Variants in NR2F2 observed in about 807,000 individuals in gnomAD.
NR2F2 encodes nuclear receptor subfamily 2 group F member 2, also known as COUP transcription factor 2.
A neutral mutation model predicts 34.8 loss-of-function variants in NR2F2; 2 were observed. That is an observed-to-expected ratio of 0.06 (90% CI 0.02 to 0.18). NR2F2 has a LOEUF of 0.18. Among genes scored for constraint, NR2F2 ranks in the 10% least tolerant of loss-of-function variants. The pLI is 1.00. For synonymous variants in NR2F2, 274 were observed against 251.8 expected (o/e 1.09, Z -0.84); for missense variants, 300 against 580.1 (o/e 0.52, Z 4.96).
chr15:96,336,573 A>G (rs1233607639), intron 2 of NR2F2, among the ~76,000 whole-genome samples: 1 of 152,008 alleles, frequency 6.6e-6, no homozygotes, highest in Non-Finnish European at 1.5e-5. Flanking sequence ...TTTCAAAGGC[A>G]CTTACTGTAT....
rs1899248605 is a variant in NR2F2, at chr15:96,334,140, G to A, written c.507G>A (p.Gly169=). The change falls in exon 2 of 3, where the codon GGG becomes GGA. Residue 169 remains glycine (G), a synonymous_variant. Coordinates refer to ENST00000394166, the MANE Select transcript of NR2F2 (RefSeq NM_021005.4). ...ACGGGCAGTTCGCGCTGACCAACGG[G>A]GATCCCCTCAACTGCCACTCGTACC... ...PTHGQFALTN[G]DPLNCHSYLS... The A allele has an allele frequency of 6.2e-7, 1 of 1,613,868 alleles. No homozygotes were observed. The highest frequency in any genetic ancestry group is 1.3e-5 in the African/African-American group (1 of 75,068).
upstream of NR2F2, among the ~76,000 whole-genome samples, chr15:96,328,610 GTAATGA>G (rs1899050452): frequency 1.3e-5 from 2 of 152,188 alleles, no homozygotes; most frequent in Non-Finnish European, 2.9e-5. Flanking sequence ...CTTCTCCTGT[GTAATGA>G]TTTCTTTTCC....
intron 1 of NR2F2, chr15:96,333,648 C>A: frequency 1.9e-6 from 2 of 1,071,450 alleles, no homozygotes; most frequent in Admixed American, 4.8e-5. Context: ...CTGGGGTGGA[C>A]CCTCGTGCCT....
Position 96,330,865 on chromosome 15 carries a change from G to A in NR2F2, c.-1241G>A. 1 of 1,158,388 alleles carries A rather than the reference G, an allele frequency of 8.6e-7. No individual in the cohort carries two copies. The highest frequency in any genetic ancestry group is 1.1e-6 in the Non-Finnish European group (1 of 940,340). The allele number at this position is 1,158,388 out of a possible 1,614,324, so 71.8% of individuals were successfully genotyped here. ...CTTCTCCTCCTCCTCTCCCCGAGTT[G>A]CCTCCTTTCTCCGGGTGCCGTACTG... On this transcript the variant is annotated 5_prime_UTR_variant, in exon 1 of 3. Coordinates refer to ENST00000394166, the MANE Select transcript of NR2F2 (RefSeq NM_021005.4).
intron 2 of NR2F2, 102 bp from the exon 3 acceptor site, chr15:96,337,246 G>A (rs1395465166): frequency 2.2e-6 from 3 of 1,378,234 alleles, no homozygotes; most frequent in Non-Finnish European, 3.0e-6. Flanking sequence ...CACACCTCAT[G>A]TGACCCAATT....
At chr15:96,328,331 G>A (rs942483033), upstream of NR2F2, among the ~76,000 whole-genome samples, 1 of 152,162 alleles carries the variant, frequency 6.6e-6, no homozygotes, top group African/African-American at 2.4e-5. Flanking sequence ...AGTGGACTGG[G>A]GAAGCTCTTC....
At chr15:96,336,505 T>C (rs80336039) in intron 2 of NR2F2, among the ~76,000 whole-genome samples, 1,562 of 152,266 alleles carry the variant, frequency 0.01, 17 homozygotes, top group African/African-American at 0.036. Context: ...CAGTCTTGTA[T>C]GGGGAGCCCT....
chr15:96,330,788 T>G lies in NR2F2; in HGVS notation c.-1318T>G. ...AGCATATTTGATCACTTTGATTCTC[T>G]GTTCTTTTCTCTCCGCGGTGTGTGT... On this transcript the variant is annotated 5_prime_UTR_variant, in exon 1 of 3. Coordinates refer to ENST00000394166, the MANE Select transcript of NR2F2 (RefSeq NM_021005.4). 7.3e-6 allele frequency: 7 copies of G among 963,790 alleles called. No individual in the cohort carries two copies. Among genetic ancestry groups the G allele is most frequent in the South Asian group, 5.2e-5 (1 of 19,382 alleles). The allele number at this position is 963,790 out of a possible 1,614,324, so 59.7% of individuals were successfully genotyped here.
intron 1 of NR2F2, chr15:96,333,427 C>T: frequency 2.0e-6 from 2 of 1,002,700 alleles, no homozygotes; most frequent in Non-Finnish European, 2.4e-6. Flanking sequence ...CTAGTGCCGG[C>T]CGCCTGCTCC....
rs1205294999 is a variant in NR2F2 at position 96,339,114 on chromosome 15, T to TA, written c.*1493dup. 3 of 151,920 alleles carry TA rather than the reference T, an allele frequency of 2.0e-5. No individual in the cohort carries two copies. The highest frequency in any genetic ancestry group is 7.3e-5 in the African/African-American group (3 of 41,366). The allele number at this position is 151,920 out of a possible 1,614,324, so 9.4% of individuals were successfully genotyped here. On this transcript the variant is annotated 3_prime_UTR_variant, in exon 3 of 3. Coordinates refer to ENST00000394166, the MANE Select transcript of NR2F2 (RefSeq NM_021005.4). ...TTTCCAGGAAAAAAAAAAAGGCCCT[T>TA]ATATTTGTCACACTTAAGTGCCTGC...
rs906327049 is a variant in NR2F2, at chr15:96,331,534, T to TCTC, written c.-562_-560dup. 1.5e-5 allele frequency: 19 copies of TCTC among 1,228,356 alleles called. No homozygotes were observed. The South Asian group carries it at 6.2e-4, about 40-fold the overall frequency. 76.1% of individuals were successfully genotyped at this position (1,228,356 alleles called of 1,614,324 possible). A position where few individuals can be genotyped will look rare whatever the true frequency, so the allele number is the denominator to read the frequency against. On this transcript the variant is annotated 5_prime_UTR_variant, in exon 1 of 3. Transcript: ENST00000394166. The stretch of plus-strand genomic sequence containing the variant: ...TGGACTTGGCCCCCGGACAGTCGCC[T>TCTC]CTCCTCCTCCTCTACCTCCTCCTTC...
Position 96,334,425 on chromosome 15 carries a change from C to A in NR2F2, c.792C>A (p.Leu264=), listed in dbSNP as rs752103768. Residue 264 remains leucine, a synonymous_variant, in exon 2 of 3, where the codon CTC becomes CTA. Transcript: ENST00000394166. ...VLNAAQCSMP[L]HVAPLLAAAG... is the part of the protein sequence containing the mutation. ...ATGCGGCGCAGTGCTCCATGCCCCT[C>A]CACGTCGCCCCGCTCCTGGCCGCCG... 6 of 1,613,842 alleles carry A rather than the reference C, an allele frequency of 3.7e-6. No individual in the cohort carries two copies. Among genetic ancestry groups the A allele is most frequent in the Non-Finnish European group, 1.7e-6 (2 of 1,179,974 alleles).
chr15:96,335,554 G>T (rs1257833070), intron 2 of NR2F2, among the ~76,000 whole-genome samples: 2 of 152,190 alleles, frequency 1.3e-5, no homozygotes, highest in African/African-American at 4.8e-5. Context: ...TCACATTCTT[G>T]TACTAAGTTG....
chr15:96,331,424 C>T lies in NR2F2; in HGVS notation c.-682C>T, dbSNP rs1210955505. ...CCTCCGCCCCGGCCTGCCTGGCTCC[C>T]TGGGCGCGCCCGCACCCGGCGCCTC... On this transcript the variant is annotated 5_prime_UTR_variant, in exon 1 of 3. Coordinates refer to ENST00000394166, the MANE Select transcript of NR2F2 (RefSeq NM_021005.4). 1 of 1,231,506 alleles carries T rather than the reference C, an allele frequency of 8.1e-7. No homozygotes were observed. Among genetic ancestry groups the T allele is most frequent in the Admixed American group, 4.2e-5 (1 of 23,644 alleles). The allele number at this position is 1,231,506 out of a possible 1,614,324, so 76.3% of individuals were successfully genotyped here.
chr15:96,329,798 G>C (rs1899081761), upstream of NR2F2, among the ~76,000 whole-genome samples: 2 of 152,048 alleles, frequency 1.3e-5, no homozygotes, highest in South Asian at 4.2e-4. Context: ...CAGCGAGAGA[G>C]GGTAAAGTTG....
At chr15:96,333,241 C>T (rs907386464) in intron 1 of NR2F2, 2 of 656,624 alleles carry the variant, frequency 3.0e-6, no homozygotes, top group East Asian at 1.4e-4. Flanking sequence ...CGCCGCGAGC[C>T]GTGCTTTGCC....
Position 96,334,119 on chromosome 15 carries a change from G to C in NR2F2, c.486G>C (p.Gly162=). The change falls in exon 2 of 3, where the codon GGG becomes GGC. Residue 162 remains glycine (G), a synonymous_variant. Coordinates refer to ENST00000394166, the MANE Select transcript of NR2F2 (RefSeq NM_021005.4). ...GRMPPTQPTH[G]QFALTNGDPL... ...TGCCGCCGACCCAGCCGACCCACGGGCAGTTCGCGCTGACCAACGGGGATC... is the reference window on the plus strand; with the variant it reads ...TGCCGCCGACCCAGCCGACCCACGGCCAGTTCGCGCTGACCAACGGGGATC... 1 of 1,613,626 alleles carries C rather than the reference G, an allele frequency of 6.2e-7. No homozygotes were observed. Among genetic ancestry groups the C allele is most frequent in the Non-Finnish European group, 8.5e-7 (1 of 1,180,028 alleles).
At chr15:96,328,090 T>G (rs1039166957), upstream of NR2F2, among the ~76,000 whole-genome samples, 1 of 152,220 alleles carries the variant, frequency 6.6e-6, no homozygotes, top group Admixed American at 6.5e-5. Flanking sequence ...TAGTCTTGTC[T>G]CTTCTTCTAT....
chr15:96,333,450 G>C, intron 1 of NR2F2: 3 of 1,002,844 alleles, frequency 3.0e-6, no homozygotes, highest in Non-Finnish European at 3.6e-6. Context: ...GCCTCTCCCG[G>C]CTTCCTCTCT....
Sources: allele counts gnomAD v4.1 joint callset (sites outside exome capture counted in the v4.1 genomes callset), GRCh38; gene constraint gnomAD v4.1.1; transcripts MANE v1.5; gene names NCBI Gene and HGNC (gene_info 2026-07-23, HGNC 2026-07-21).